Variants in TENM1 observed in about 807,000 individuals in gnomAD.
TENM1 encodes teneurin transmembrane protein 1.
Under a neutral mutation model 174.8 loss-of-function variants are expected in TENM1, and 35 were observed. That is an observed-to-expected ratio of 0.20 (90% CI 0.15 to 0.27). TENM1 has a LOEUF of 0.27. TENM1 is among the 10% of genes least tolerant of loss of function. The pLI is 1.00. For missense variants in TENM1, 1,633 were observed against 2,130.1 expected (o/e 0.77, Z 4.59); for synonymous variants, 781 against 798.7 (o/e 0.98, Z 0.37).
rs1485316951 is a variant in TENM1, at chrX:124,640,917, C to T, written c.2077+874G>A. ...CGGAGGTTGCAGTGAGCCGAGATTG[C>T]GCCACTGCACTCCAGCCTGGGCGAC... On this transcript the variant is annotated intron_variant, in intron 11 of 31. Coordinates refer to ENST00000422452, the Ensembl canonical transcript of TENM1. Among the ~76,000 whole-genome samples, 9 of 96,417 alleles carry T rather than the reference C, an allele frequency of 9.3e-5. No individual in the cohort carries two copies. In the East Asian group the frequency reaches 2.3e-3, roughly 25 times the overall value. 83.7% of individuals were successfully genotyped at this position (96,417 alleles called of 115,157 possible). A position where few individuals can be genotyped will look rare whatever the true frequency, so the allele number is the denominator to read the frequency against.
intron 3 of TENM1, among the ~76,000 whole-genome samples, chrX:124,842,058 G>A (rs185515705): frequency 1.8e-5 from 2 of 111,477 alleles, no homozygotes; most frequent in East Asian, 5.7e-4. Context: ...CCAGGACTGG[G>A]TATAGGCAAA....
At chrX:124,712,284 G>A (rs774406361) in intron 4 of TENM1, among the ~76,000 whole-genome samples, 38 of 110,777 alleles carry the variant, frequency 3.4e-4, no homozygotes, top group Non-Finnish European at 5.7e-5. Context: ...TTTCCATAGC[G>A]GTTTCTACTT....
chrX:124,734,757 G>C (rs1444875726), intron 4 of TENM1, among the ~76,000 whole-genome samples: 2 of 111,808 alleles, frequency 1.8e-5, no homozygotes, highest in Non-Finnish European at 3.8e-5. Context: ...GAGTTGACTA[G>C]TCCTTCTCTT....
At chrX:124,388,654 A>G (rs189380186) in intron 28 of TENM1, among the ~76,000 whole-genome samples, 244 of 112,578 alleles carry the variant, frequency 2.2e-3, no homozygotes, top group African/African-American at 7.5e-3. Flanking sequence ...TCTAAAAGAG[A>G]TAATTGTAAA....
chrX:124,802,585 C>G (rs1216191520), intron 3 of TENM1, among the ~76,000 whole-genome samples: 2 of 111,121 alleles, frequency 1.8e-5, no homozygotes, highest in Non-Finnish European at 3.8e-5. Flanking sequence ...GCCACCACAC[C>G]ACACTGTTCT....
At chrX:124,659,310 A>G (rs990916806) in intron 6 of TENM1, among the ~76,000 whole-genome samples, 8 of 112,089 alleles carry the variant, frequency 7.1e-5, no homozygotes, top group Non-Finnish European at 1.3e-4. Context: ...CCAAAGATTT[A>G]TGAATAAATA....
In TENM1 at chrX:124,589,993, G is replaced by A. The variant is rs187352066; in HGVS notation, c.2078-24433C>T. 1.8e-3 allele frequency among the ~76,000 whole-genome samples: 198 copies of A among 111,264 alleles called. 1 individual carries two copies. The highest frequency in any genetic ancestry group is 6.2e-3 in the African/African-American group (192 of 30,739). ...TTGTTCTTGTTTTCTATTTCCTCTA[G>A]GTGTGAAGTTAGATCATTAATTTGA... On this transcript the variant is annotated intron_variant, in intron 11 of 31. Coordinates refer to ENST00000422452, the Ensembl canonical transcript of TENM1.
chrX:124,966,979 G>C (rs935094980), upstream of TENM1, among the ~76,000 whole-genome samples: 1 of 111,411 alleles, frequency 9.0e-6, no homozygotes, highest in African/African-American at 3.3e-5. Flanking sequence ...ACATAGTCTC[G>C]GCCCCTGAGG....
intron 20 of TENM1, among the ~76,000 whole-genome samples, chrX:124,490,272 A>T (rs902502555): frequency 9.8e-5 from 11 of 111,770 alleles, no homozygotes; most frequent in Non-Finnish European, 1.9e-4. Context: ...CACTGCTAAT[A>T]CATGAGATCA....
intron 22 of TENM1, among the ~76,000 whole-genome samples, chrX:124,471,288 G>A (rs766430834): frequency 5.8e-5 from 2 of 34,363 alleles, no homozygotes; most frequent in Non-Finnish European, 9.4e-5. Context: ...ATAATATATA[G>A]TACTATATAT....
intron 3 of TENM1, among the ~76,000 whole-genome samples, chrX:124,772,249 C>G (rs1158458799): frequency 2.7e-5 from 3 of 111,251 alleles, no homozygotes; most frequent in Middle Eastern, 4.7e-3. Flanking sequence ...AATTCTTGTG[C>G]CTCAGCCTCC....
the TENM1 span, among the ~76,000 whole-genome samples, chrX:124,978,899 C>T: frequency 8.9e-6 from 1 of 112,187 alleles, no homozygotes; most frequent in Non-Finnish European, 1.9e-5. Flanking sequence ...CCATTGTCTG[C>T]TGCACATAAG....
chrX:124,745,099 G>A (rs1312461861), intron 3 of TENM1, among the ~76,000 whole-genome samples: 2 of 112,001 alleles, frequency 1.8e-5, no homozygotes, highest in African/African-American at 6.5e-5. Flanking sequence ...GCCTCGGAAA[G>A]GTTTCACCCT....
At chrX:125,112,889 T>C in the TENM1 span, among the ~76,000 whole-genome samples, 12 of 111,163 alleles carry the variant, frequency 1.1e-4, no homozygotes, top group Non-Finnish European at 1.7e-4. Context: ...CTCAAAATGA[T>C]ATGAATTCTA....
intron 1 of TENM1, among the ~76,000 whole-genome samples, chrX:124,943,259 G>C (rs1044058076): frequency 9.0e-6 from 1 of 110,880 alleles, no homozygotes; most frequent in Non-Finnish European, 1.9e-5. Flanking sequence ...ATCCAAAAGG[G>C]GGCAAATGGG....
At position 124,409,565 on chromosome X, in the gene TENM1, A is replaced by G. The variant is rs563117926; in HGVS notation, c.4983-3076T>C. ...AAGGAAATAAAGGGTATTCAATTAG[A>G]AAAAGAGGAAGTCAAATTGTCCCTG... On this transcript the variant is annotated intron_variant, in intron 25 of 31. Transcript: ENST00000422452. 1.7e-4 allele frequency among the ~76,000 whole-genome samples: 19 copies of G among 110,965 alleles called. No homozygotes were observed. In the South Asian group the frequency reaches 5.4e-3, roughly 32 times the overall value.
intron 20 of TENM1, among the ~76,000 whole-genome samples, chrX:124,493,539 C>T (rs2047117414): frequency 9.0e-6 from 1 of 111,462 alleles, no homozygotes; most frequent in Admixed American, 9.5e-5. Context: ...TCTCTGTCTA[C>T]CTGACAGTCT....
chrX:124,384,415 A>C (rs1195366215), exon 30 of TENM1: 1 of 1,210,982 alleles, frequency 8.3e-7, no homozygotes, highest in Non-Finnish European at 1.1e-6. Flanking sequence ...GGGTTTTGTC[A>C]TTTACAGAAA....
At chrX:124,742,961 A>T (rs2053835303) in intron 3 of TENM1, among the ~76,000 whole-genome samples, 1 of 111,482 alleles carries the variant, frequency 9.0e-6, no homozygotes, top group African/African-American at 3.3e-5. Flanking sequence ...AAAAGGAAAC[A>T]GGCTTAAAAG....
Sources: allele counts gnomAD v4.1 joint callset (sites outside exome capture counted in the v4.1 genomes callset), GRCh38; gene constraint gnomAD v4.1.1; transcripts MANE v1.5; gene names NCBI Gene and HGNC (gene_info 2026-07-23, HGNC 2026-07-21).